The following SCGN variants were observed in gnomAD, a reference collection of about 807,000 sequenced individuals.
The protein encoded by SCGN is secretagogin.
SCGN carries 30 observed loss-of-function variants against 39.7 expected under a neutral mutation model. That is an observed-to-expected ratio of 0.76 (90% CI 0.57 to 1.03). The LOEUF is 1.03. Among genes scored for constraint, SCGN ranks in the 50% least tolerant of loss-of-function variants. The pLI is 0.00. For missense variants in SCGN, 353 were observed against 349.4 expected (o/e 1.01, Z -0.08); for synonymous variants, 106 against 114.1 (o/e 0.93, Z 0.45).
At chr6:25,669,662 T>A in intron 5 of SCGN, 95 bp downstream of exon 5, 2 of 1,007,830 alleles carry the variant, frequency 2.0e-6, no homozygotes, top group Non-Finnish European at 3.1e-6. Flanking sequence ...AAGAAAGATG[T>A]ATTTGAATAT....
chr6:25,666,783 A>T (rs1369406989), intron 4 of SCGN, among the ~76,000 whole-genome samples: 2 of 152,228 alleles, frequency 1.3e-5, no homozygotes, highest in Non-Finnish European at 2.9e-5. Flanking sequence ...AATATAGGTA[A>T]GAATACACAA....
intron 1 of SCGN, 56 bp downstream of exon 1, chr6:25,652,541 C>T: frequency 6.5e-7 from 1 of 1,533,424 alleles, no homozygotes; most frequent in Non-Finnish European, 9.0e-7. Context: ...CAAGCTCAGC[C>T]CGCTGAAAGG....
intron 6 of SCGN, 106 bp from the exon 7 acceptor site, chr6:25,681,845 A>G: frequency 2.2e-6 from 2 of 921,786 alleles, no homozygotes; most frequent in Non-Finnish European, 3.5e-6. Context: ...CTCCTCAGCC[A>G]ATTTAGGCAA....
At chr6:25,684,803 T>TATC (rs1759683692) in intron 7 of SCGN, among the ~76,000 whole-genome samples, 1 of 152,030 alleles carries the variant, frequency 6.6e-6, no homozygotes, top group Non-Finnish European at 1.5e-5. Context: ...AGCAAGATTC[T>TATC]ATCTCAAAAA....
chr6:25,689,653 T>A, intron 9 of SCGN, 121 bp downstream of exon 9: 1 of 793,242 alleles, frequency 1.3e-6, no homozygotes, highest in Admixed American at 2.1e-5. Flanking sequence ...ATCCCATCTG[T>A]GTGTTCTAGG....
rs549341257 is a variant in SCGN at position 25,701,635 on chromosome 6, G to A, written c.*300G>A. 11 of 247,444 alleles carry A rather than the reference G, an allele frequency of 4.4e-5. No individual in the cohort carries two copies. In the South Asian group the frequency reaches 1.3e-3, roughly 30 times the overall value. 15.3% of individuals were successfully genotyped at this position (247,444 alleles called of 1,614,324 possible). ...CCTTCCCCAGTCACCAGGGTGGGGG[G>A]GACAGGGGCAGCTGAGTGCATTCAT... On this transcript the variant is annotated 3_prime_UTR_variant, in exon 11 of 11. Transcript: ENST00000377961.
At chr6:25,655,903 GC>G (rs1760219170) in intron 2 of SCGN, among the ~76,000 whole-genome samples, 1 of 152,142 alleles carries the variant, frequency 6.6e-6, no homozygotes, top group Non-Finnish European at 1.5e-5. Context: ...TGGGAAGAAA[GC>G]TTTTGGAGCC....
rs573967240 is a variant in SCGN, at chr6:25,675,812, C to G, written c.471+5736C>G. Among the ~76,000 whole-genome samples the G allele has an allele frequency of 2.0e-5, 3 of 152,306 alleles. No individual in the cohort carries two copies. The East Asian group carries it at 5.8e-4, about 29-fold the overall frequency. The stretch of plus-strand genomic sequence containing the variant: ...TGGGCTCAGTCCTCATATCCCTTCT[C>G]TTCTATGTCCACTCTCACTCTTGGT... On this transcript the variant is annotated intron_variant, in intron 6 of 10. Coordinates refer to ENST00000377961, the MANE Select transcript of SCGN (RefSeq NM_006998.4).
intron 3 of SCGN, among the ~76,000 whole-genome samples, chr6:25,663,075 G>A (rs559827542): frequency 6.6e-6 from 1 of 152,338 alleles, no homozygotes; most frequent in South Asian, 2.1e-4. Flanking sequence ...CATTGAGGTT[G>A]TTGTTTGTAC....
chr6:25,668,763 A>G lies in SCGN; in HGVS notation c.337-748A>G, dbSNP rs116805881. Among the ~76,000 whole-genome samples, 854 of 152,202 alleles carry G rather than the reference A, an allele frequency of 5.6e-3. 3 individuals carry two copies. Among genetic ancestry groups the G allele is most frequent in the African/African-American group, 0.02 (823 of 41,520 alleles). On this transcript the variant is annotated intron_variant, in intron 4 of 10. Transcript: ENST00000377961. The stretch of plus-strand genomic sequence containing the variant: ...TACCACTCTGAGTTTATGCTTTCCC[A>G]TCATGTCGGGTCTCTTAGAAGTCCT...
intron 10 of SCGN, among the ~76,000 whole-genome samples, chr6:25,700,760 G>T (rs1759901565): frequency 6.6e-6 from 1 of 151,954 alleles, no homozygotes; most frequent in Non-Finnish European, 1.5e-5. Flanking sequence ...TACATCCCTA[G>T]CTCAACCACA....
chr6:25,684,424 A>AG (rs1200651211), intron 7 of SCGN, among the ~76,000 whole-genome samples: 3 of 152,148 alleles, frequency 2.0e-5, no homozygotes, highest in African/African-American at 7.2e-5. Flanking sequence ...ACCCACAGAT[A>AG]GGGGGTGCCA....
intron 3 of SCGN, 57 bp downstream of exon 3, chr6:25,661,701 T>A: frequency 8.7e-7 from 1 of 1,144,842 alleles, no homozygotes; most frequent in South Asian, 1.3e-5. Context: ...TTTTTTTCTT[T>A]ACTTTATCGT....
chr6:25,652,472 C>G lies in SCGN; in HGVS notation c.69C>G (p.Arg23=). Residue 23 remains arginine, a synonymous_variant, in exon 1 of 11, where the codon CGC becomes CGG. Coordinates refer to ENST00000377961, the MANE Select transcript of SCGN (RefSeq NM_006998.4). ...CTGGCTTCTGGCAGGTCTGGCAGCG[C>G]TTTGATGCGGATGGTGAGTAGAACA... ...DAAGFWQVWQ[R]FDADEKGYIE... is the part of the protein sequence containing the mutation. 1 of 1,613,954 alleles carries G rather than the reference C, an allele frequency of 6.2e-7. No individual in the cohort carries two copies. The highest frequency in any genetic ancestry group is 1.1e-5 in the South Asian group (1 of 91,078).
intron 10 of SCGN, among the ~76,000 whole-genome samples, chr6:25,694,625 C>T (rs1450478349): frequency 6.6e-6 from 1 of 152,218 alleles, no homozygotes; most frequent in African/African-American, 2.4e-5. Flanking sequence ...TATTGGGATT[C>T]TCCAGATGAT....
chr6:25,672,398 G>T (rs904847928), intron 6 of SCGN, among the ~76,000 whole-genome samples: 1 of 152,210 alleles, frequency 6.6e-6, no homozygotes, highest in Non-Finnish European at 1.5e-5. Flanking sequence ...AAATTAAAAA[G>T]TGGAGTTGGG....
In SCGN at chr6:25,653,427, A is replaced by G. The variant is rs1760170948; in HGVS notation, c.128A>G (p.His43Arg). The G allele has an allele frequency of 6.2e-7, 1 of 1,613,336 alleles. No homozygotes were observed. The highest frequency in any genetic ancestry group is 8.5e-7 in the Non-Finnish European group (1 of 1,179,490). The stretch of plus-strand genomic sequence containing the variant: ...AAGGAACTCGATGCTTTCTTTCTCC[A>G]CATGTTGATGAAACTGGGTACTGAT... The part of the protein sequence containing the change: ...EEKELDAFFL[H>R]MLMKLGTDDT... The change falls in exon 2 of 11, where the codon CAC (histidine) becomes CGC (arginine). Residue 43 changes from histidine (H) to arginine (R), a missense_variant. Coordinates refer to ENST00000377961, the MANE Select transcript of SCGN (RefSeq NM_006998.4).
chr6:25,676,606 CT>C (rs1759565891), intron 6 of SCGN, among the ~76,000 whole-genome samples: 2 of 152,164 alleles, frequency 1.3e-5, no homozygotes, highest in South Asian at 4.1e-4. Context: ...AAAAAGTCAC[CT>C]TTTACTTGAG....
intron 7 of SCGN, among the ~76,000 whole-genome samples, chr6:25,682,820 T>C (rs1759654590): frequency 6.6e-6 from 1 of 152,204 alleles, no homozygotes; most frequent in Admixed American, 6.5e-5. Flanking sequence ...TTTTTAATGA[T>C]GAGGAGGTAA....
Sources: allele counts gnomAD v4.1 joint callset (sites outside exome capture counted in the v4.1 genomes callset), GRCh38; gene constraint gnomAD v4.1.1; transcripts MANE v1.5; gene names NCBI Gene and HGNC (gene_info 2026-07-23, HGNC 2026-07-21).